The following GOLGA8S variants were observed in gnomAD, a reference collection of about 807,000 sequenced individuals.
GOLGA8S encodes the protein golgin A8 family member S, also known as golgin subfamily A member 8S.
Under a neutral mutation model 58.9 loss-of-function variants are expected in GOLGA8S, and 23 were observed. The observed-to-expected ratio is 0.39, with a 90% CI of 0.28 to 0.55. The LOEUF (loss-of-function observed/expected upper bound fraction) is 0.55, where lower values mean the gene tolerates loss of function less well. GOLGA8S is among the 20% of genes least tolerant of loss of function. GOLGA8S has a pLI of 0.63. For missense variants in GOLGA8S, 266 were observed against 514.2 expected (o/e 0.52, Z 4.67); for synonymous variants, 84 against 195.7 (o/e 0.43, Z 4.76).
At chr15:23,366,100 A>G (rs1333101503), downstream of GOLGA8S, 1 of 151,480 alleles carries the variant, frequency 6.6e-6, no homozygotes, top group Admixed American at 6.6e-5. Context: ...CCAGTACACA[A>G]AAGGGCACTG....
chr15:23,365,075 G>A, exon 19 of GOLGA8S: 1 of 1,580,964 alleles, frequency 6.3e-7, no homozygotes, highest in Non-Finnish European at 8.6e-7. Flanking sequence ...CCCAGGCTTG[G>A]GCAACAACTG....
At chr15:23,365,130 G>C (rs1294096638) in exon 19 of GOLGA8S, 11 of 1,587,708 alleles carry the variant, frequency 6.9e-6, no homozygotes, top group Non-Finnish European at 9.4e-6. Context: ...AGAAGAAGGA[G>C]ATAAACATCA....
chr15:23,362,769 C>T (rs1391937126), intron 13 of GOLGA8S, among the ~76,000 whole-genome samples: 4 of 143,742 alleles, frequency 2.8e-5, no homozygotes, highest in Non-Finnish European at 6.0e-5. Flanking sequence ...GCCCTCGCTA[C>T]CCTATTAATG....
At chr15:23,365,611 G>A (rs575012921), downstream of GOLGA8S, 6 of 268,890 alleles carry the variant, frequency 2.2e-5, no homozygotes, top group Admixed American at 2.6e-4. Flanking sequence ...TATGTAGTTT[G>A]CCCCCAAGCG....
chr15:23,357,762 AC>A, intron 4 of GOLGA8S, 143 bp downstream of exon 4: 1 of 554,082 alleles, frequency 1.8e-6, no homozygotes, highest in Non-Finnish European at 3.3e-6. Context: ...ACCTGGAGGG[AC>A]CCCGGAGCAT....
intron 15 of GOLGA8S, 134 bp from the exon 16 acceptor site, chr15:23,364,209 G>C (rs924688641): frequency 2.7e-6 from 4 of 1,458,758 alleles, no homozygotes; most frequent in Admixed American, 3.9e-5. Context: ...TGAGTGGGGA[G>C]ACCCACTGGG....
chr15:23,367,858 T>G (rs1334306362), downstream of GOLGA8S, among the ~76,000 whole-genome samples: 4 of 151,890 alleles, frequency 2.6e-5, no homozygotes, highest in Admixed American at 1.3e-4. Flanking sequence ...GATGGCAATA[T>G]ATAATAATCA....
At chr15:23,366,624 A>G (rs1359834920), downstream of GOLGA8S, 1 of 152,026 alleles carries the variant, frequency 6.6e-6, no homozygotes, top group South Asian at 2.1e-4. Flanking sequence ...AAAGTGAAAT[A>G]TGTTTTTGTA....
downstream of GOLGA8S, chr15:23,365,519 C>T (rs2069906167): frequency 3.1e-6 from 1 of 320,078 alleles, no homozygotes; most frequent in Non-Finnish European, 5.9e-6. Context: ...TGTATATTCA[C>T]TACAGAATTC....
rs543287268 is a variant in GOLGA8S at position 23,364,255 on chromosome 15, A to G, written c.1348-88A>G. 5.9e-3 allele frequency: 9,137 copies of G among 1,548,110 alleles called. 115 individuals are homozygous for G. Among genetic ancestry groups the G allele is most frequent in the East Asian group, 0.022 (948 of 43,982 alleles). Reference sequence around the variant, plus strand: ...AGTCACGGAGAAGCTGGCCCATGCCAGGACTCACCTCCACCTTCTCCATGA... The same window carrying G: ...AGTCACGGAGAAGCTGGCCCATGCCGGGACTCACCTCCACCTTCTCCATGA... On this transcript the variant is annotated intron_variant, in intron 15 of 18. Transcript: ENST00000562295.
chr15:23,365,364 A>G, downstream of GOLGA8S: 3 of 623,098 alleles, frequency 4.8e-6, no homozygotes, highest in Non-Finnish European at 8.3e-6. Context: ...TTCTTTTTTA[A>G]TTTCATAATT....
chr15:23,365,509 T>C, downstream of GOLGA8S: 1 of 346,098 alleles, frequency 2.9e-6, no homozygotes, highest in Non-Finnish European at 5.5e-6. Context: ...TATTGCAGCA[T>C]GTATATTCAC....
exon 17 of GOLGA8S, chr15:23,364,582 G>C (rs775403993): frequency 1.4e-4 from 221 of 1,569,276 alleles, no homozygotes; most frequent in Non-Finnish European, 1.7e-4. Context: ...GCGGCACTGG[G>C]AGGAGGACAC....
chr15:23,367,842 T>C (rs570492650), downstream of GOLGA8S, among the ~76,000 whole-genome samples: 2 of 152,000 alleles, frequency 1.3e-5, no homozygotes, highest in South Asian at 4.2e-4. Flanking sequence ...AAAACACCTA[T>C]TTAAAGATGG....
intron 8 of GOLGA8S, among the ~76,000 whole-genome samples, 181 bp downstream of exon 8, chr15:23,359,390 T>G (rs200978535): frequency 0.043 from 5,996 of 140,128 alleles, 268 homozygotes; most frequent in Middle Eastern, 0.058. Context: ...GTGGGTGAGT[T>G]GGGGGGCACT....
At chr15:23,364,165 G>A (rs897996521) in intron 15 of GOLGA8S, among the ~76,000 whole-genome samples, 178 bp from the exon 16 acceptor site, 5 of 118,698 alleles carry the variant, frequency 4.2e-5, no homozygotes, top group Non-Finnish European at 9.1e-5. Flanking sequence ...GGCAGCCAGA[G>A]GCCCTGGAGC....
chr15:23,359,862 T>C (rs1193783394), intron 8 of GOLGA8S, among the ~76,000 whole-genome samples: 1 of 146,080 alleles, frequency 6.8e-6, no homozygotes, highest in African/African-American at 2.6e-5. Flanking sequence ...AAATACTCCA[T>C]GTTTTTTCAT....
At chr15:23,359,898 A>T (rs975194697) in intron 8 of GOLGA8S, among the ~76,000 whole-genome samples, 4 of 148,222 alleles carry the variant, frequency 2.7e-5, no homozygotes, top group African/African-American at 7.6e-5. Context: ...CATCATAGTA[A>T]CTGTCTCCCA....
At position 23,365,113 on chromosome 15, in the gene GOLGA8S, G is replaced by A. The variant is rs758545032; in HGVS notation, c.1857G>A (p.Trp619Ter). The change falls in exon 19 of 19, where the codon TGG becomes TGA. Residue 619 changes from tryptophan to a stop codon, truncating the protein, a stop_gained. Coordinates refer to ENST00000562295, the Ensembl canonical transcript of GOLGA8S. LOFTEE classifies it high-confidence loss of function. ...GTGTGCCATTCTTTTGCTGGGCTTG[G>A]CTGCCAAGAAGAAGGAGATAAACAT... 5.7e-6 allele frequency: 9 copies of A among 1,587,774 alleles called. No homozygotes were observed. In the Admixed American group the frequency reaches 8.4e-5, roughly 15 times the overall value.
Sources: allele counts gnomAD v4.1 joint callset (sites outside exome capture counted in the v4.1 genomes callset), GRCh38; gene constraint gnomAD v4.1.1; transcripts MANE v1.5; gene names NCBI Gene and HGNC (gene_info 2026-07-23, HGNC 2026-07-21).